RBMS3: variants seen among roughly 807,000 people sequenced by gnomAD.
The protein encoded by RBMS3 is RNA binding motif single stranded interacting protein 3, also known as RNA-binding motif, single-stranded-interacting protein 3.
Under a neutral mutation model 66.8 loss-of-function variants are expected in RBMS3, and 27 were observed. The observed-to-expected ratio is 0.40, with a 90% CI of 0.30 to 0.56. The LOEUF is 0.56. RBMS3 is among the 20% of genes least tolerant of loss of function. The probability of loss-of-function intolerance (pLI) is 0.40; values close to 1 mark genes in which losing one functional copy is unlikely to be tolerated. For synonymous variants in RBMS3, 188 were observed against 183.0 expected, an observed-to-expected ratio of 1.03 and a Z score of -0.22; for missense variants, 513 against 549.5, an observed-to-expected ratio of 0.93 and a Z score of 0.66.
At chr3:29,961,825 CT>C (rs1169035890) in intron 12 of RBMS3, among the ~76,000 whole-genome samples, 1 of 151,604 alleles carries the variant, frequency 6.6e-6, no homozygotes, top group African/African-American at 2.4e-5. Flanking sequence ...ATTATGGGAA[CT>C]ACAATTCAAG....
At chr3:29,952,517 T>G (rs983415052) in intron 12 of RBMS3, among the ~76,000 whole-genome samples, 4 of 151,910 alleles carry the variant, frequency 2.6e-5, no homozygotes, top group Admixed American at 1.3e-4. Context: ...GGACGGTATA[T>G]AATACACTTT....
chr3:29,400,911 G>A (rs915802009), intron 1 of RBMS3, among the ~76,000 whole-genome samples: 7 of 152,010 alleles, frequency 4.6e-5, no homozygotes, highest in African/African-American at 7.2e-5. Context: ...TTGGACTGGA[G>A]AGTTGAGTTT....
At chr3:29,349,597 T>A (rs2125555268) in intron 1 of RBMS3, among the ~76,000 whole-genome samples, 1 of 152,336 alleles carries the variant, frequency 6.6e-6, no homozygotes, top group Middle Eastern at 3.4e-3. Context: ...TCCTTCTTCC[T>A]GGTTTCATTG....
At chr3:29,314,940 G>C (rs367611786) in intron 1 of RBMS3, among the ~76,000 whole-genome samples, 89 of 151,732 alleles carry the variant, frequency 5.9e-4, no homozygotes, top group African/African-American at 2.2e-3. Flanking sequence ...AATCACTGGA[G>C]CTTTGGGGAA....
At chr3:29,806,006 CAT>C (rs1300672496) in intron 6 of RBMS3, among the ~76,000 whole-genome samples, 2 of 151,944 alleles carry the variant, frequency 1.3e-5, no homozygotes, top group Non-Finnish European at 1.5e-5. Flanking sequence ...TACTTTGTAA[CAT>C]ATTTTTGCTG....
intron 3 of RBMS3, among the ~76,000 whole-genome samples, chr3:29,535,413 A>G (rs546934137): frequency 1.5e-4 from 23 of 152,290 alleles, no homozygotes; most frequent in African/African-American, 5.5e-4. Flanking sequence ...AACTGTAATG[A>G]AACTGTTCAA....
intron 3 of RBMS3, among the ~76,000 whole-genome samples, chr3:29,525,200 C>T (rs1347568763): frequency 6.6e-6 from 1 of 151,990 alleles, no homozygotes. Flanking sequence ...AATTCATGCC[C>T]CTCTCTTGTA....
chr3:29,912,818 C>T (rs1461494252), intron 10 of RBMS3, among the ~76,000 whole-genome samples: 1 of 151,976 alleles, frequency 6.6e-6, no homozygotes, highest in African/African-American at 2.4e-5. Flanking sequence ...TAGTCTGAGC[C>T]AGGATGTTAT....
intron 4 of RBMS3, among the ~76,000 whole-genome samples, chr3:29,719,426 A>G (rs2053543233): frequency 6.6e-6 from 1 of 152,058 alleles, no homozygotes; most frequent in African/African-American, 2.4e-5. Flanking sequence ...TTTTACTTGC[A>G]AAGAGAATCT....
At chr3:29,485,615 A>G (rs1026566866) in intron 2 of RBMS3, among the ~76,000 whole-genome samples, 2 of 152,170 alleles carry the variant, frequency 1.3e-5, no homozygotes, top group East Asian at 3.9e-4. Context: ...AGTGTAAAAT[A>G]TATTTACTTC....
intron 3 of RBMS3, among the ~76,000 whole-genome samples, chr3:29,586,418 CAAAT>C (rs1474410467): frequency 6.6e-6 from 1 of 152,008 alleles, no homozygotes; most frequent in African/African-American, 2.4e-5. Context: ...ACACTAGAAA[CAAAT>C]AAGCAACATA....
intron 3 of RBMS3, among the ~76,000 whole-genome samples, chr3:29,541,436 T>C (rs2045752603): frequency 1.3e-5 from 2 of 151,862 alleles, no homozygotes; most frequent in Non-Finnish European, 1.5e-5. Flanking sequence ...TTTCATTCTT[T>C]TTTTCATTGA....
chr3:29,822,433 G>T (rs2058097926), intron 6 of RBMS3, among the ~76,000 whole-genome samples: 1 of 152,096 alleles, frequency 6.6e-6, no homozygotes, highest in Non-Finnish European at 1.5e-5. Flanking sequence ...CAGACCTAAA[G>T]AAAGTGCATT....
chr3:29,461,998 G>A (rs1055264306), intron 2 of RBMS3, among the ~76,000 whole-genome samples: 4 of 135,340 alleles, frequency 3.0e-5, no homozygotes, highest in Middle Eastern at 4.8e-3. Flanking sequence ...GGATGGTCTC[G>A]ATCTCCTGAC....
chr3:29,304,809 C>T (rs2033903867), intron 1 of RBMS3, among the ~76,000 whole-genome samples: 1 of 151,916 alleles, frequency 6.6e-6, no homozygotes, highest in South Asian at 2.1e-4. Context: ...TGTTCATAGC[C>T]ATCTTCCTCC....
At chr3:29,910,294 C>T (rs1275122846) in intron 10 of RBMS3, among the ~76,000 whole-genome samples, 3 of 152,008 alleles carry the variant, frequency 2.0e-5, no homozygotes, top group Admixed American at 2.0e-4. Context: ...ACAGAAACTA[C>T]TCGTGGAAAT....
intron 1 of RBMS3, among the ~76,000 whole-genome samples, chr3:29,322,708 G>C (rs923273035): frequency 6.6e-6 from 1 of 151,928 alleles, no homozygotes; most frequent in Non-Finnish European, 1.5e-5. Flanking sequence ...TATATGCAAA[G>C]GATTTGTGGA....
At chr3:29,497,934 GA>G (rs1371231306) in intron 3 of RBMS3, among the ~76,000 whole-genome samples, 1 of 136,190 alleles carries the variant, frequency 7.3e-6, no homozygotes, top group Non-Finnish European at 1.5e-5. Context: ...AAGACATACA[GA>G]TGCATATGTT....
intron 4 of RBMS3, among the ~76,000 whole-genome samples, chr3:29,701,352 T>C (rs964787030): frequency 4.6e-5 from 7 of 152,084 alleles, no homozygotes; most frequent in African/African-American, 1.7e-4. Flanking sequence ...GGAACCAGAA[T>C]GTAAGAGCTC....
Sources: allele counts gnomAD v4.1 joint callset (sites outside exome capture counted in the v4.1 genomes callset), GRCh38; gene constraint gnomAD v4.1.1; transcripts MANE v1.5; gene names NCBI Gene and HGNC (gene_info 2026-07-23, HGNC 2026-07-21).